Variants in BTK observed in about 807,000 individuals in gnomAD.
The protein encoded by BTK is Bruton tyrosine kinase.
BTK carries 5 observed loss-of-function variants against 57.4 expected under a neutral mutation model. That is an observed-to-expected ratio of 0.09 (90% confidence interval 0.05 to 0.18). The LOEUF is 0.18. BTK is among the 10% of genes least tolerant of loss of function. The pLI is 1.00. For missense variants in BTK, 194 were observed against 501.2 expected (o/e 0.39, Z 5.85); for synonymous variants, 154 against 174.3 (o/e 0.88, Z 0.92).
Position 101,360,559 on chromosome X carries a change from T to G in BTK, c.776+9A>C. 1 of 1,211,373 alleles carries G rather than the reference T, an allele frequency of 8.3e-7. No homozygotes were observed. The highest frequency in any genetic ancestry group is 1.1e-6 in the Non-Finnish European group (1 of 895,137). On this transcript the variant is annotated intron_variant, in intron 8 of 18. Coordinates refer to ENST00000308731, the MANE Select transcript of BTK (RefSeq NM_000061.3). ...GCACCAGGCTCAGGAAGGGCTGGTG[T>G]GGACTCACCCATTTTTATCTCGTGC...
intron 16 of BTK, among the ~76,000 whole-genome samples, chrX:101,354,393 T>TA (rs1454787382): frequency 9.0e-6 from 1 of 110,864 alleles, no homozygotes; most frequent in Non-Finnish European, 1.9e-5. Flanking sequence ...GAAATAGATT[T>TA]AAAAAAGAGG....
chrX:101,353,975 C>T lies in BTK; in HGVS notation c.1645G>A (p.Asp549Asn). 8.4e-7 allele frequency: 1 copy of T among 1,193,837 alleles called. No homozygotes were observed. ...GAGCCTACTGAGCTTGTGTATTCAT[C>T]ATCCAGGACATACCTGCAAGGGATT... is the stretch of plus-strand genomic sequence containing the variant. ...DFGLSRYVLD[D>N]EYTSSVGSKF... Residue 549 changes from aspartate (D) to asparagine (N), a missense_variant, in exon 17 of 19, where the codon GAT (aspartate) becomes AAT (asparagine). Asp to Asn is a conservative substitution (Grantham distance 23). Transcript: ENST00000308731.
At chrX:101,358,241 T>C in intron 12 of BTK, 69 bp downstream of exon 12, 1 of 1,192,127 alleles carries the variant, frequency 8.4e-7, no homozygotes, top group Non-Finnish European at 1.1e-6. Flanking sequence ...ATTCTTCCTC[T>C]TATCACCTTG....
At chrX:101,366,742 GA>G (rs34371760) in intron 5 of BTK, among the ~76,000 whole-genome samples, 1 of 109,880 alleles carries the variant, frequency 9.1e-6, no homozygotes, top group African/African-American at 3.3e-5. Context: ...GAACTACTGG[GA>G]AAAAAAATGC....
chrX:101,369,944 C>G, intron 5 of BTK, 54 bp downstream of exon 5: 2 of 1,079,094 alleles, frequency 1.9e-6, no homozygotes, highest in Non-Finnish European at 2.6e-6. Flanking sequence ...TCTATCTCCT[C>G]TTCCTTCCTT....
intron 8 of BTK, 55 bp downstream of exon 8, chrX:101,360,513 T>C (rs1926626188): frequency 8.6e-7 from 1 of 1,157,436 alleles, no homozygotes; most frequent in South Asian, 1.8e-5. Context: ...GCAGCACTTT[T>C]TGCGTGTAGG....
upstream of BTK, chrX:101,390,450 C>T (rs1927742740): frequency 1.9e-6 from 1 of 513,443 alleles, no homozygotes; most frequent in Non-Finnish European, 3.5e-6. Flanking sequence ...CATAATTGCA[C>T]ATTTATAAGC....
intron 16 of BTK, 123 bp from the exon 17 acceptor site, chrX:101,354,111 C>G: frequency 1.8e-6 from 1 of 547,988 alleles, no homozygotes; most frequent in Admixed American, 2.5e-5. Context: ...CTCTCCTCCT[C>G]AACTAGTATC....
rs782253327 is a variant in BTK at position 101,356,829 on chromosome X, C to A, written c.1304G>T (p.Gly435Val). ...AATGAATTCATCTTCAGACATGGAG[C>A]CTTCTTTGATCATCTTGATGGCCAC... ...YDVAIKMIKE[G>V]SMSEDEFIEE... is the part of the protein sequence containing the mutation. The change falls in exon 14 of 19, where the codon GGC (glycine) becomes GTC (valine). Residue 435 changes from glycine to valine, a missense_variant. Transcript: ENST00000308731. The A allele has an allele frequency of 8.3e-7, 1 of 1,210,008 alleles. No individual in the cohort carries two copies. The highest frequency in any genetic ancestry group is 1.7e-5 in the African/African-American group (1 of 57,149).
At chrX:101,384,668 C>G (rs1405991129) in intron 1 of BTK, among the ~76,000 whole-genome samples, 2 of 111,082 alleles carry the variant, frequency 1.8e-5, no homozygotes, top group Non-Finnish European at 3.8e-5. Context: ...GAAATTTGGA[C>G]TTCAACACAA....
At chrX:101,371,144 T>C (rs1304153054) in intron 4 of BTK, among the ~76,000 whole-genome samples, 1 of 112,251 alleles carries the variant, frequency 8.9e-6, no homozygotes, top group African/African-American at 3.2e-5. Flanking sequence ...TTGTAGTTCT[T>C]GCTCTCCTAA....
At chrX:101,351,934 C>T (rs959972283) in intron 18 of BTK, among the ~76,000 whole-genome samples, 2 of 110,638 alleles carry the variant, frequency 1.8e-5, no homozygotes, top group East Asian at 5.7e-4. Flanking sequence ...GAGGCAGAGG[C>T]GGGTGGATCA....
At chrX:101,357,365 A>T in intron 13 of BTK, 144 bp downstream of exon 13, 1 of 552,319 alleles carries the variant, frequency 1.8e-6, no homozygotes. Context: ...ATCAGTGAAT[A>T]ACTTTTGCTT....
intron 2 of BTK, among the ~76,000 whole-genome samples, 161 bp downstream of exon 2, chrX:101,374,983 T>C (rs1281822930): frequency 1.8e-5 from 2 of 111,700 alleles, no homozygotes; most frequent in African/African-American, 6.5e-5. Flanking sequence ...TTTCCGGCTT[T>C]AGCTAGTTAT....
At chrX:101,357,024 C>T (rs1926507459) in intron 13 of BTK, 69 bp from the exon 14 acceptor site, 3 of 1,115,057 alleles carry the variant, frequency 2.7e-6, no homozygotes, top group African/African-American at 3.6e-5. Flanking sequence ...GACAAAAATC[C>T]CTACTGGGGT....
chrX:101,367,724 A>G (rs1555979693), intron 5 of BTK, among the ~76,000 whole-genome samples: 2 of 111,581 alleles, frequency 1.8e-5, no homozygotes, highest in African/African-American at 6.5e-5. Flanking sequence ...TGAAATTAGT[A>G]TATGAAGTGT....
chrX:101,353,723 G>C, intron 17 of BTK, 147 bp downstream of exon 17: 1 of 575,966 alleles, frequency 1.7e-6, no homozygotes. Flanking sequence ...AGAAACCCCT[G>C]TGGTGGCTGA....
At chrX:101,359,200 G>C in intron 10 of BTK, 93 bp downstream of exon 10, 1 of 997,442 alleles carries the variant, frequency 1.0e-6, no homozygotes, top group African/African-American at 1.9e-5. Context: ...CTTTGACACT[G>C]CCTTGCCCAA....
At position 101,382,530 on chromosome X, in the gene BTK, C is replaced by T. The variant is rs940889105; in HGVS notation, c.-31+3532G>A. Among the ~76,000 whole-genome samples, 10 of 110,307 alleles carry T rather than the reference C, an allele frequency of 9.1e-5. No individual in the cohort carries two copies. In the South Asian group the frequency reaches 1.2e-3, roughly 13 times the overall value. On this transcript the variant is annotated intron_variant, in intron 1 of 18. Transcript: ENST00000308731. The stretch of plus-strand genomic sequence containing the variant: ...TGCTGGGATTACAGGCTTGAGCCAC[C>T]GCGCCTGGCCTTATGTTTTTAGCAT...
Sources: gnomAD v4.1 joint callset for allele counts (sites outside exome capture counted in the v4.1 genomes callset) on GRCh38, gnomAD v4.1.1 for gene constraint, MANE v1.5 for transcripts, NCBI Gene and HGNC (gene_info 2026-07-23, HGNC 2026-07-21) for gene names.